The following THAP10 variants were observed in gnomAD, a reference collection of about 807,000 sequenced individuals.
THAP10 encodes THAP domain containing 10.
Under a neutral mutation model 15.7 loss-of-function variants are expected in THAP10, and 10 were observed. That is an observed-to-expected ratio of 0.64 (90% CI 0.39 to 1.08). THAP10 has a LOEUF of 1.08. Ranked by LOEUF, THAP10 falls within the 50% of genes least tolerant of loss-of-function variation. The probability of loss-of-function intolerance (pLI) is 0.01; values close to 1 mark genes in which losing one functional copy is unlikely to be tolerated. For synonymous variants in THAP10, 127 were observed against 129.1 expected, an observed-to-expected ratio of 0.98 and a Z score of 0.11; for missense variants, 310 against 330.9, an observed-to-expected ratio of 0.94 and a Z score of 0.49.
At chr15:70,882,947 AC>A in intron 1 of THAP10, 39 bp from the exon 2 acceptor site, 1 of 1,606,444 alleles carries the variant, frequency 6.2e-7, no homozygotes. Flanking sequence ...ATTAAAGTGT[AC>A]CTTATAGGAT....
intron 1 of THAP10, among the ~76,000 whole-genome samples, chr15:70,889,687 A>G (rs747130690): frequency 1.3e-5 from 2 of 152,322 alleles, no homozygotes; most frequent in East Asian, 3.9e-4. Flanking sequence ...GAAGCCCCCT[A>G]AAGATATGTA....
In THAP10 at chr15:70,891,877, G is replaced by A; in HGVS notation, c.396C>T (p.Arg132=). Residue 132 remains arginine, a synonymous_variant, in exon 1 of 3, where the codon CGC becomes CGT. Transcript: ENST00000249861. ...EAAPGPVSCT[R]PRAGKQAAAS... is the part of the protein sequence containing the mutation. ...CTGCAGCCTGCTTCCCAGCTCGGGGGCGTGTACAGGAGACTGGACCTGGGG... is the reference window on the plus strand; with the variant it reads ...CTGCAGCCTGCTTCCCAGCTCGGGGACGTGTACAGGAGACTGGACCTGGGG... 1.9e-6 allele frequency: 3 copies of A among 1,609,558 alleles called. No individual in the cohort carries two copies. The highest frequency in any genetic ancestry group is 1.3e-5 in the African/African-American group (1 of 74,974).
chr15:70,888,856 T>G (rs896096816), intron 1 of THAP10, among the ~76,000 whole-genome samples: 1 of 152,184 alleles, frequency 6.6e-6, no homozygotes, highest in Non-Finnish European at 1.5e-5. Flanking sequence ...GAAAAGGTGT[T>G]TCCTTACTAA....
rs2033593144 is a variant in THAP10 at position 70,891,965 on chromosome 15, C to T, written c.308G>A (p.Gly103Glu). ...PAPAPKRGEE[G>E]DQAGRLDTRG... ...CGTGTCCAGGCGGCCTGCTTGGTCT[C>T]CCTCCTCTCCCCTCTTAGGTGCCGG... The change falls in exon 1 of 3, where the codon GGA becomes GAA. Residue 103 changes from glycine (G) to glutamate (E), a missense_variant. By Grantham distance (98) the Gly-to-Glu change is moderately conservative (BLOSUM62 -2). Coordinates refer to ENST00000249861, the MANE Select transcript of THAP10 (RefSeq NM_020147.4). 5 of 1,613,492 alleles carry T rather than the reference C, an allele frequency of 3.1e-6. No homozygotes were observed. The African/African-American group carries it at 5.3e-5, about 17-fold the overall frequency.
In THAP10 at chr15:70,882,597, G is replaced by C. The variant is rs1303717648; in HGVS notation, c.631C>G (p.Gln211Glu). ...GTTCTAGACCACAATTCCTCTGTCT[G>C]AGTAGTTGCATTACACAGTCTTTTT... ...FGKRLCNATT[Q>E]TEELWSRTSS... The change falls in exon 3 of 3, where the codon CAG becomes GAG. Residue 211 changes from glutamine to glutamate, a missense_variant. Coordinates refer to ENST00000249861, the MANE Select transcript of THAP10 (RefSeq NM_020147.4). The C allele has an allele frequency of 3.1e-6, 5 of 1,613,880 alleles. No individual in the cohort carries two copies. The highest frequency in any genetic ancestry group is 2.2e-5 in the East Asian group (1 of 44,868).
Position 70,892,076 on chromosome 15 carries a change from G to A in THAP10, c.197C>T (p.Ser66Phe). 1.2e-6 allele frequency: 2 copies of A among 1,614,024 alleles called. No individual in the cohort carries two copies. The highest frequency in any genetic ancestry group is 1.7e-6 in the Non-Finnish European group (2 of 1,179,946). The change falls in exon 1 of 3, where the codon TCT (serine) becomes TTT (phenylalanine). Residue 66 changes from serine (S) to phenylalanine (F), a missense_variant. Transcript: ENST00000249861. ...DHFAPACFDV[S>F]SVIQKNLRFS... ...GCGCAGGTTCTTCTGGATAACCGAA[G>A]AGACGTCAAAACAGGCTGGGGCAAA...
At chr15:70,887,102 C>T (rs2033430532) in intron 1 of THAP10, among the ~76,000 whole-genome samples, 1 of 151,984 alleles carries the variant, frequency 6.6e-6, no homozygotes. Flanking sequence ...CTCTGAATAA[C>T]CTTATAACAA....
chr15:70,887,843 T>C (rs1446225663), intron 1 of THAP10, among the ~76,000 whole-genome samples: 1 of 152,172 alleles, frequency 6.6e-6, no homozygotes, highest in Non-Finnish European at 1.5e-5. Flanking sequence ...TTATAAACTA[T>C]TGAAATTAAT....
intron 1 of THAP10, among the ~76,000 whole-genome samples, chr15:70,890,617 C>T (rs2033529344): frequency 6.6e-6 from 1 of 152,192 alleles, no homozygotes; most frequent in African/African-American, 2.4e-5. Context: ...ACTGAAGTAT[C>T]TGTGCTATTG....
intron 1 of THAP10, among the ~76,000 whole-genome samples, chr15:70,889,840 G>T (rs549451037): frequency 2.2e-4 from 33 of 152,276 alleles, no homozygotes; most frequent in Middle Eastern, 3.4e-3. Context: ...AACATTGGGT[G>T]GGGGAAGAAG....
At position 70,882,226 on chromosome 15, in the gene THAP10, G is replaced by C. The variant is rs1311991289; in HGVS notation, c.*228C>G. ...TTTGTAACCTGATTTCTACCAAAAG[G>C]ATTAAAAGAAAAAAAAAGGTGAAAG... On this transcript the variant is annotated 3_prime_UTR_variant, in exon 3 of 3. Coordinates refer to ENST00000249861, the MANE Select transcript of THAP10 (RefSeq NM_020147.4). 4.9e-6 allele frequency: 2 copies of C among 407,150 alleles called. No homozygotes were observed. The highest frequency in any genetic ancestry group is 8.7e-6 in the Non-Finnish European group (2 of 230,656). The allele number at this position is 407,150 out of a possible 1,614,324, so 25.2% of individuals were successfully genotyped here.
chr15:70,889,366 C>G (rs539628018), intron 1 of THAP10, among the ~76,000 whole-genome samples: 59 of 152,088 alleles, frequency 3.9e-4, no homozygotes, highest in Middle Eastern at 3.4e-3. Context: ...AATCCCCCCC[C>G]CAAAAAAAAG....
chr15:70,882,522 A>G lies in THAP10; in HGVS notation c.706T>C (p.Trp236Arg). The G allele has an allele frequency of 6.2e-7, 1 of 1,613,996 alleles. No individual in the cohort carries two copies. The highest frequency in any genetic ancestry group is 1.3e-5 in the African/African-American group (1 of 75,060). ...YSSDSETDTD[W>R]DIKSEQSDLS... ...TCACTCTGTTCACTCTTGATATCCC[A>G]GTCTGTATCTGTTTCTGAATCACTG... Residue 236 changes from tryptophan (W) to arginine (R), a missense_variant, in exon 3 of 3, where the codon TGG becomes CGG. Coordinates refer to ENST00000249861, the MANE Select transcript of THAP10 (RefSeq NM_020147.4).
rs111422634 is a variant in THAP10, at chr15:70,883,709, C to T, written c.430-801G>A. ...TGTCACCCAGACCGGAGTGCAGAAG[C>T]ATGATCTTGGCTCACTGCAACTGCA... On this transcript the variant is annotated intron_variant, in intron 1 of 2. Coordinates refer to ENST00000249861, the MANE Select transcript of THAP10 (RefSeq NM_020147.4). 3.6e-3 allele frequency among the ~76,000 whole-genome samples: 547 copies of T among 150,072 alleles called. 2 individuals are homozygous for T. The highest frequency in any genetic ancestry group is 0.013 in the African/African-American group (516 of 40,662).
chr15:70,884,617 AG>A (rs2141086425), intron 1 of THAP10, among the ~76,000 whole-genome samples: 1 of 152,318 alleles, frequency 6.6e-6, no homozygotes, highest in African/African-American at 2.4e-5. Flanking sequence ...TCTTATTTAA[AG>A]GGTTTATCTC....
chr15:70,884,745 A>G (rs2033360350), intron 1 of THAP10, among the ~76,000 whole-genome samples: 1 of 152,226 alleles, frequency 6.6e-6, no homozygotes, highest in Non-Finnish European at 1.5e-5. Context: ...TGGATAAAAT[A>G]GAGTTTTAGA....
chr15:70,892,349 C>G lies in THAP10; in HGVS notation c.-77G>C. The G allele has an allele frequency of 6.5e-7, 1 of 1,548,514 alleles. No homozygotes were observed. The highest frequency in any genetic ancestry group is 2.4e-5 in the East Asian group (1 of 40,868). On this transcript the variant is annotated 5_prime_UTR_variant, in exon 1 of 3. Coordinates refer to ENST00000249861, the MANE Select transcript of THAP10 (RefSeq NM_020147.4). Reference sequence around the variant, plus strand: ...GGCACGCTCCTCGCAGCGGCCTCGGCGAGGCAAGTCCTCCCCTCCTCACCT... The same window carrying G: ...GGCACGCTCCTCGCAGCGGCCTCGGGGAGGCAAGTCCTCCCCTCCTCACCT...
In THAP10 at chr15:70,892,262, C is replaced by G. The variant is rs764035877; in HGVS notation, c.11G>C (p.Arg4Pro). Residue 4 changes from arginine to proline, a missense_variant, in exon 1 of 3, where the codon CGT becomes CCT. By Grantham distance (103) the Arg-to-Pro change is moderately radical. Coordinates refer to ENST00000249861, the MANE Select transcript of THAP10 (RefSeq NM_020147.4). ...GTTGCCGCAGTGGGCGGCCACACAA[C>G]GGGCCGGCATGGCGGCCGTCTTCGG... is the stretch of plus-strand genomic sequence containing the variant. MPA[R>P]CVAAHCGNTT... 6.4e-7 allele frequency: 1 copy of G among 1,571,680 alleles called. No individual in the cohort carries two copies. Among genetic ancestry groups the G allele is most frequent in the South Asian group, 1.2e-5 (1 of 86,328 alleles).
chr15:70,891,271 G>A (rs536310842), intron 1 of THAP10, among the ~76,000 whole-genome samples: 3 of 152,330 alleles, frequency 2.0e-5, no homozygotes, highest in African/African-American at 7.2e-5. Flanking sequence ...GATGGGGAAA[G>A]TCAGCTCACT....
Sources: allele counts gnomAD v4.1 joint callset (sites outside exome capture counted in the v4.1 genomes callset), GRCh38; gene constraint gnomAD v4.1.1; transcripts MANE v1.5; gene names NCBI Gene and HGNC (gene_info 2026-07-23, HGNC 2026-07-21).